The following MDGA2 variants were observed in gnomAD, a reference collection of about 807,000 sequenced individuals.
MDGA2 encodes MAM domain containing glycosylphosphatidylinositol anchor 2.
Under a neutral mutation model 117.8 loss-of-function variants are expected in MDGA2, and 40 were observed. That is an observed-to-expected ratio of 0.34 (90% CI 0.26 to 0.44). MDGA2 has a LOEUF of 0.44. Among genes scored for constraint, MDGA2 ranks in the 20% least tolerant of loss-of-function variants. The probability of loss-of-function intolerance (pLI) is 1.00; values close to 1 mark genes in which losing one functional copy is unlikely to be tolerated. For synonymous variants in MDGA2, 452 were observed against 439.0 expected, an observed-to-expected ratio of 1.03 and a Z score of -0.37; for missense variants, 1,123 against 1,250.6, an observed-to-expected ratio of 0.90 and a Z score of 1.54.
intron 1 of MDGA2, chr14:47,343,064 C>A (rs1469433785): frequency 7.8e-7 from 1 of 1,283,280 alleles, no homozygotes; most frequent in Admixed American, 2.4e-5. Flanking sequence ...GCGGCAGATC[C>A]CAAGGGATTC....
chr14:47,068,057 T>C (rs1594585308), intron 6 of MDGA2, among the ~76,000 whole-genome samples: 1 of 152,246 alleles, frequency 6.6e-6, no homozygotes, highest in Non-Finnish European at 1.5e-5. Context: ...AATCTAAATG[T>C]AGAGTCAGAC....
At chr14:47,417,520 ATCTACTACAGCTCTCC>A (rs1892498520) in intron 1 of MDGA2, among the ~76,000 whole-genome samples, 1 of 152,124 alleles carries the variant, frequency 6.6e-6, no homozygotes, top group Non-Finnish European at 1.5e-5. Flanking sequence ...TGGTGGCTTT[ATCTACTACAGCTCTCC>A]TCTTTTCTTT....
chr14:47,452,092 G>C (rs1470625600), intron 1 of MDGA2, among the ~76,000 whole-genome samples: 1 of 152,080 alleles, frequency 6.6e-6, no homozygotes, highest in Admixed American at 6.6e-5. Flanking sequence ...TTTTGAACAG[G>C]ATTCTTTAAA....
At chr14:47,342,958 A>T in intron 1 of MDGA2, 2 of 622,144 alleles carry the variant, frequency 3.2e-6, no homozygotes, top group Non-Finnish European at 5.3e-6. Flanking sequence ...AAGTCACAGT[A>T]GTAGGAGGAA....
At chr14:47,181,720 C>T (rs1247671374) in intron 3 of MDGA2, among the ~76,000 whole-genome samples, 2 of 152,074 alleles carry the variant, frequency 1.3e-5, no homozygotes, top group Non-Finnish European at 2.9e-5. Flanking sequence ...AACATCACAT[C>T]TTTTGATCTT....
chr14:47,031,919 T>C (rs1218115676), intron 8 of MDGA2, among the ~76,000 whole-genome samples: 1 of 152,214 alleles, frequency 6.6e-6, no homozygotes, highest in Non-Finnish European at 1.5e-5. Context: ...ATGCTTCCTA[T>C]ACAGCCTGCA....
chr14:47,604,508 C>G (rs1393162040), intron 1 of MDGA2, among the ~76,000 whole-genome samples: 1 of 139,778 alleles, frequency 7.2e-6, no homozygotes, highest in Non-Finnish European at 1.5e-5. Flanking sequence ...CCCTCACCCC[C>G]CTATAAAGAC....
chr14:47,377,725 T>C (rs919473834), intron 1 of MDGA2, among the ~76,000 whole-genome samples: 2 of 152,152 alleles, frequency 1.3e-5, no homozygotes, highest in Non-Finnish European at 2.9e-5. Context: ...AAGCTCCAAC[T>C]GGGTGGAGCC....
intron 1 of MDGA2, among the ~76,000 whole-genome samples, chr14:47,392,973 C>A (rs1476017627): frequency 6.6e-6 from 1 of 151,762 alleles, no homozygotes; most frequent in East Asian, 1.9e-4. Context: ...TCAGATCAGA[C>A]CAGTATTTTT....
At chr14:47,540,540 G>GTGTGTGTATATA in intron 1 of MDGA2, among the ~76,000 whole-genome samples, 4 of 79,220 alleles carry the variant, frequency 5.0e-5, no homozygotes, top group African/African-American at 1.6e-4. Flanking sequence ...GTGTGTGTGT[G>GTGTGTGTATATA]TATATATATA....
rs562183898 is a variant in MDGA2 at position 47,582,114 on chromosome 14, T to C, written c.280+92403A>G. Among the ~76,000 whole-genome samples, 18 of 152,058 alleles carry C rather than the reference T, an allele frequency of 1.2e-4. No homozygotes were observed. The South Asian group carries it at 3.7e-3, about 32-fold the overall frequency. The stretch of plus-strand genomic sequence containing the variant: ...TACAGTGTTTGATATACAGTAAAGA[T>C]TCACTAAACATTAGCTATGGTGTTG... On this transcript the variant is annotated intron_variant, in intron 1 of 16. Transcript: ENST00000399232.
At chr14:47,039,241 A>G (rs1157321369) in intron 7 of MDGA2, among the ~76,000 whole-genome samples, 1 of 152,148 alleles carries the variant, frequency 6.6e-6, no homozygotes, top group African/African-American at 2.4e-5. Flanking sequence ...TTATATTCCA[A>G]AAGTCTTTCA....
intron 2 of MDGA2, among the ~76,000 whole-genome samples, chr14:47,283,342 T>C (rs1888565234): frequency 6.6e-6 from 1 of 152,216 alleles, no homozygotes; most frequent in African/African-American, 2.4e-5. Flanking sequence ...AATACTGGTA[T>C]GCTCTTCTGA....
chr14:47,523,865 C>T (rs1167876238), intron 1 of MDGA2, among the ~76,000 whole-genome samples: 2 of 152,206 alleles, frequency 1.3e-5, no homozygotes, highest in Non-Finnish European at 2.9e-5. Context: ...CTTCCTTCAG[C>T]AGCTTGCAAG....
chr14:47,620,324 T>C (rs1256973728), intron 1 of MDGA2, among the ~76,000 whole-genome samples: 1 of 152,234 alleles, frequency 6.6e-6, no homozygotes, highest in African/African-American at 2.4e-5. Context: ...AACAAAATGA[T>C]ATATAGTGGA....
rs148210015 is a variant in MDGA2, at chr14:46,898,346, G to C, written c.2239-16125C>G. On this transcript the variant is annotated intron_variant, in intron 10 of 16. Coordinates refer to ENST00000399232, the MANE Select transcript of MDGA2 (RefSeq NM_001113498.3). Reference sequence around the variant, plus strand: ...TTGAAGAATATTGAAAAATAAAATTGGTAGAAATTATTGATTAATTGGATA... The same window carrying C: ...TTGAAGAATATTGAAAAATAAAATTCGTAGAAATTATTGATTAATTGGATA... Among the ~76,000 whole-genome samples the C allele has an allele frequency of 3.2e-3, 487 of 152,042 alleles. 4 individuals are homozygous for C. Among genetic ancestry groups the C allele is most frequent in the African/African-American group, 0.011 (465 of 41,530 alleles).
At chr14:47,193,306 T>G (rs1019098631) in intron 3 of MDGA2, among the ~76,000 whole-genome samples, 16 of 152,174 alleles carry the variant, frequency 1.1e-4, no homozygotes, top group African/African-American at 3.9e-4. Flanking sequence ...TTAATACTTG[T>G]CATCACATTG....
chr14:47,459,382 T>C (rs1893432657), intron 1 of MDGA2, among the ~76,000 whole-genome samples: 1 of 151,276 alleles, frequency 6.6e-6, no homozygotes, highest in Non-Finnish European at 1.5e-5. Context: ...CCTCTCATAT[T>C]GTGGTTAGTG....
chr14:46,984,163 T>C (rs1039846775), intron 8 of MDGA2, among the ~76,000 whole-genome samples: 6 of 152,024 alleles, frequency 3.9e-5, no homozygotes, highest in African/African-American at 1.2e-4. Flanking sequence ...TCTTTACTTA[T>C]GTTATCAAAC....
Sources: gnomAD v4.1 joint callset for allele counts (sites outside exome capture counted in the v4.1 genomes callset) on GRCh38, gnomAD v4.1.1 for gene constraint, MANE v1.5 for transcripts, NCBI Gene and HGNC (gene_info 2026-07-23, HGNC 2026-07-21) for gene names.